The following MAU2 variants were observed in gnomAD, a reference collection of about 807,000 sequenced individuals.
MAU2 encodes MAU2 sister chromatid cohesion factor.
A neutral mutation model predicts 89.1 loss-of-function variants in MAU2; 9 were observed. That is an observed-to-expected ratio of 0.10 (90% CI 0.06 to 0.18). The LOEUF (loss-of-function observed/expected upper bound fraction) is 0.18, where lower values mean the gene tolerates loss of function less well. MAU2 is among the 10% of genes least tolerant of loss of function. The probability of loss-of-function intolerance (pLI) is 1.00; values close to 1 mark genes in which losing one functional copy is unlikely to be tolerated. For missense variants in MAU2, 425 were observed against 803.5 expected (o/e 0.53, Z 5.69); for synonymous variants, 357 against 343.4 (o/e 1.04, Z -0.44).
chr19:19,325,550 G>C (rs1184365073), intron 1 of MAU2, among the ~76,000 whole-genome samples: 1 of 151,766 alleles, frequency 6.6e-6, no homozygotes, highest in African/African-American at 2.4e-5. Flanking sequence ...TGCGATTTCA[G>C]CTCACTGCAT....
chr19:19,352,767 G>A (rs1190970094), intron 16 of MAU2: 1 of 152,254 alleles, frequency 6.6e-6, no homozygotes, highest in Admixed American at 6.5e-5. Context: ...GTGTTGTGGG[G>A]GCATCTTACA....
chr19:19,343,296 G>A (rs1338003693), intron 9 of MAU2, among the ~76,000 whole-genome samples: 1 of 152,206 alleles, frequency 6.6e-6, no homozygotes, highest in Non-Finnish European at 1.5e-5. Context: ...ACCCAGAGCA[G>A]ACGTCCCTGG....
At chr19:19,344,991 C>T in intron 11 of MAU2, 65 bp downstream of exon 11, 1 of 1,453,358 alleles carries the variant, frequency 6.9e-7, no homozygotes. Flanking sequence ...AGTACCTAAC[C>T]AGATCCAGAA....
intron 5 of MAU2, 103 bp downstream of exon 5, chr19:19,339,042 A>G (rs995533056): frequency 1.2e-6 from 1 of 859,348 alleles, no homozygotes; most frequent in Non-Finnish European, 1.8e-6. Flanking sequence ...GGTGAAGTAC[A>G]GTAGCTCACA....
chr19:19,321,248 A>C (rs2146641739), intron 1 of MAU2, 113 bp downstream of exon 1: 2 of 1,258,092 alleles, frequency 1.6e-6, no homozygotes, highest in Non-Finnish European at 2.1e-6. Flanking sequence ...TGGGGGCGCG[A>C]CCTCCGTCAA....
chr19:19,339,895 G>A (rs189949943), intron 5 of MAU2, among the ~76,000 whole-genome samples: 7 of 151,298 alleles, frequency 4.6e-5, no homozygotes, highest in Middle Eastern at 3.4e-3. Flanking sequence ...ATGGCCGGGC[G>A]CAGTGGCTCA....
chr19:19,351,680 A>C (rs2061745890), intron 16 of MAU2, among the ~76,000 whole-genome samples: 1 of 150,466 alleles, frequency 6.6e-6, no homozygotes, highest in Non-Finnish European at 1.5e-5. Context: ...ATCCGTCTCA[A>C]AAAAAAAAAG....
At chr19:19,324,014 A>T (rs2061485213) in intron 1 of MAU2, among the ~76,000 whole-genome samples, 1 of 152,236 alleles carries the variant, frequency 6.6e-6, no homozygotes. Context: ...TGTTCAGCTC[A>T]TGCAGGATGC....
rs2061683029 is a variant in MAU2, at chr19:19,345,169, G to C, written c.1156-135G>C. On this transcript the variant is annotated intron_variant, in intron 11 of 18. Coordinates refer to ENST00000262815, the MANE Select transcript of MAU2 (RefSeq NM_015329.4). The surrounding 1 kb of genome is among the most constrained non-coding windows in gnomAD (Gnocchi z 4.9). ...GGTGGGGACAGTGAGCATATTACCT[G>C]CCTTGCAGCTGGCTCGGTAGAGCCA... The C allele has an allele frequency of 6.1e-6, 5 of 815,440 alleles. No individual in the cohort carries two copies. Among genetic ancestry groups the C allele is most frequent in the East Asian group, 2.5e-5 (1 of 40,088 alleles). The allele number at this position is 815,440 out of a possible 1,614,324, so 50.5% of individuals were successfully genotyped here.
intron 1 of MAU2, among the ~76,000 whole-genome samples, chr19:19,335,300 G>T (rs565033968): frequency 1.3e-5 from 2 of 152,112 alleles, no homozygotes; most frequent in African/African-American, 4.8e-5. Context: ...CTGATTTCTC[G>T]TGTTATGCTT....
At chr19:19,335,696 C>A in intron 1 of MAU2, 22 bp from the exon 2 acceptor site, 1 of 1,614,008 alleles carries the variant, frequency 6.2e-7, no homozygotes, top group South Asian at 1.1e-5. Context: ...GAGAATTAAT[C>A]GTTGTTTTCT....
rs371415691 is a variant in MAU2, at chr19:19,342,484, C to T, written c.736-51C>T. 52 of 1,509,104 alleles carry T rather than the reference C, an allele frequency of 3.4e-5. No individual in the cohort carries two copies. The African/African-American group carries it at 6.3e-4, about 18-fold the overall frequency. The allele number at this position is 1,509,104 out of a possible 1,614,324, so 93.5% of individuals were successfully genotyped here. A position where few individuals can be genotyped will look rare whatever the true frequency, so the allele number is the denominator to read the frequency against. ...GCAGGGGTGGCTGGGCTGGGCCTGG[C>T]TTCCTGAGAGGCCAGGCTCAGGTGG... On this transcript the variant is annotated intron_variant, in intron 7 of 18. Transcript: ENST00000262815.
At chr19:19,346,991 G>A in intron 12 of MAU2, 1 of 379,110 alleles carries the variant, frequency 2.6e-6, no homozygotes, top group Non-Finnish European at 4.9e-6. Context: ...AGTCCTGAGA[G>A]ACAGTGGAAA....
At chr19:19,322,675 TCCTGTCAGACCCCTGCCTC>T (rs901061506) in intron 1 of MAU2, among the ~76,000 whole-genome samples, 2 of 151,710 alleles carry the variant, frequency 1.3e-5, no homozygotes, top group African/African-American at 2.4e-5. Flanking sequence ...AGCGCTGTGA[TCCTGTCAGACCCCTGCCTC>T]CCTTTTACCT....
chr19:19,328,846 A>G (rs1256795436), intron 1 of MAU2, among the ~76,000 whole-genome samples: 1 of 152,022 alleles, frequency 6.6e-6, no homozygotes, highest in Non-Finnish European at 1.5e-5. Flanking sequence ...CTCTGGAAGA[A>G]CTTACTATTT....
intron 10 of MAU2, chr19:19,344,532 T>C (rs898861582): frequency 9.1e-6 from 4 of 440,200 alleles, no homozygotes; most frequent in Non-Finnish European, 1.7e-5. Context: ...TACCCCACCC[T>C]GCCATTAGGA....
intron 2 of MAU2, 31 bp downstream of exon 2, chr19:19,335,766 T>C (rs754398533): frequency 6.2e-5 from 100 of 1,609,632 alleles, no homozygotes; most frequent in Middle Eastern, 1.6e-4. Flanking sequence ...TGGTTCCCTT[T>C]AAGGAATTCT....
chr19:19,342,464 G>T, intron 7 of MAU2, 71 bp from the exon 8 acceptor site: 24 of 1,497,978 alleles, frequency 1.6e-5, no homozygotes, highest in South Asian at 6.8e-5. Flanking sequence ...AAGGAGCAGG[G>T]GTGGCTGGGC....
rs57787775 is a variant in MAU2, at chr19:19,320,867, C to T, written c.8C>T (p.Ala3Val). Residue 3 changes from alanine to valine, a missense_variant, in exon 1 of 19, where the codon GCT becomes GTT. Transcript: ENST00000262815. MA[A>V]QAAAAAQAAA... ...GTTGTTGTGGAGGCCAAAATGGCGGCTCAGGCGGCGGCAGCGGCCCAGGCG... is the reference window on the plus strand; with the variant it reads ...GTTGTTGTGGAGGCCAAAATGGCGGTTCAGGCGGCGGCAGCGGCCCAGGCG... The T allele has an allele frequency of 7.9e-6, 12 of 1,519,670 alleles. No homozygotes were observed. The highest frequency in any genetic ancestry group is 1.3e-5 in the South Asian group (1 of 78,304). 94.1% of individuals were successfully genotyped at this position (1,519,670 alleles called of 1,614,324 possible). A position where few individuals can be genotyped will look rare whatever the true frequency, so the allele number is the denominator to read the frequency against.
Sources: allele counts gnomAD v4.1 joint callset (sites outside exome capture counted in the v4.1 genomes callset), GRCh38; gene constraint gnomAD v4.1.1; non-coding constraint Gnocchi (gnomAD v3.1); transcripts MANE v1.5; gene names NCBI Gene and HGNC (gene_info 2026-07-23, HGNC 2026-07-21).